The following CPLANE1 variants were observed in gnomAD, a reference collection of about 807,000 sequenced individuals.
CPLANE1 encodes the protein ciliogenesis and planar polarity effector 1.
CPLANE1 carries 263 observed loss-of-function variants against 362.5 expected under a neutral mutation model. The ratio of observed to expected loss-of-function variants is 0.73; its 90% confidence interval spans 0.66 to 0.80. The LOEUF is 0.80. CPLANE1 is among the 30% of genes least tolerant of loss of function. The pLI, the probability that CPLANE1 is intolerant of heterozygous loss-of-function variation, is 0.00. For missense variants in CPLANE1, 3,461 were observed against 3,793.4 expected, an observed-to-expected ratio of 0.91 and a Z score of 2.30; for synonymous variants, 1,212 against 1,302.6, an observed-to-expected ratio of 0.93 and a Z score of 1.50.
At chr5:37,168,356 T>C (rs888224650) in intron 34 of CPLANE1, among the ~76,000 whole-genome samples, 4 of 152,232 alleles carry the variant, frequency 2.6e-5, no homozygotes, top group Admixed American at 1.3e-4. Context: ...CATCTGGTAA[T>C]TTTTTTGCTT....
intron 34 of CPLANE1, 139 bp from the exon 35 acceptor site, chr5:37,167,352 T>C: frequency 1.4e-6 from 1 of 694,624 alleles, no homozygotes; most frequent in Non-Finnish European, 2.3e-6. Context: ...AACAAATTGA[T>C]TTAAACTGGC....
chr5:37,247,496 T>C (rs959107347), intron 2 of CPLANE1, 122 bp downstream of exon 2: 6 of 805,038 alleles, frequency 7.5e-6, no homozygotes, highest in African/African-American at 3.5e-5. Flanking sequence ...GATCCTCCTG[T>C]AGATCCTCCT....
At chr5:37,165,744 T>C in intron 35 of CPLANE1, 73 bp from the exon 36 acceptor site, 3 of 1,385,146 alleles carry the variant, frequency 2.2e-6, no homozygotes, top group Non-Finnish European at 2.9e-6. Flanking sequence ...TCATGCTATA[T>C]AGGGATACAG....
At chr5:37,140,424 G>C in intron 44 of CPLANE1, 1 of 985,036 alleles carries the variant, frequency 1.0e-6, no homozygotes, top group Non-Finnish European at 1.2e-6. Context: ...TGTGGGTTAA[G>C]AGCAACTAAT....
chr5:37,098,415 A>C, the CPLANE1 span, among the ~76,000 whole-genome samples: 2,649 of 146,578 alleles, frequency 0.018, 65 homozygotes, highest in African/African-American at 0.066. Flanking sequence ...AAAAAAAAAA[A>C]CCACACACAT....
rs1195296943 is a variant in CPLANE1, at chr5:37,125,423, C to A, written c.8793-14G>T. 3 of 1,608,270 alleles carry A rather than the reference C, an allele frequency of 1.9e-6. No individual in the cohort carries two copies. The African/African-American group carries it at 4.0e-5, about 22-fold the overall frequency. On this transcript the variant is annotated splice_polypyrimidine_tract_variant and intron_variant, in intron 46 of 52. Transcript: ENST00000651892. ...TAATGCTGAATTCTGAGAAATTTAACAAGCAAGACATCATTTGCTTTTAAA... is the reference window on the plus strand; with the variant it reads ...TAATGCTGAATTCTGAGAAATTTAAAAAGCAAGACATCATTTGCTTTTAAA...
chr5:37,154,894 A>G (rs1433343253), intron 41 of CPLANE1, among the ~76,000 whole-genome samples: 1 of 151,932 alleles, frequency 6.6e-6, no homozygotes, highest in South Asian at 2.1e-4. Flanking sequence ...GCCCCTCCAA[A>G]TTGCTCCCTC....
intron 16 of CPLANE1, chr5:37,210,922 A>G: frequency 3.8e-6 from 3 of 779,628 alleles, no homozygotes; most frequent in South Asian, 2.7e-5. Context: ...CATACTACAC[A>G]GTTGAAGGCC....
chr5:37,227,367 C>T lies in CPLANE1; in HGVS notation c.1397G>A (p.Arg466Gln), dbSNP rs868467543. 12 of 1,546,550 alleles carry T rather than the reference C, an allele frequency of 7.8e-6. No homozygotes were observed. Among genetic ancestry groups the T allele is most frequent in the African/African-American group, 6.9e-5 (5 of 72,834 alleles). The part of the protein sequence containing the change: ...SKPKGKGLNL[R>Q]SLNSLRSSLL... ...GCTAGACCTTAGGGAATTCAGTGAT[C>T]GCAAGTTCAGTCCTTTGCCTTTTGG... Residue 466 changes from arginine (R) to glutamine (Q), a missense_variant, in exon 11 of 53, where the codon CGA (arginine) becomes CAA (glutamine). Transcript: ENST00000651892.
At chr5:37,188,863 T>C (rs1784712301) in intron 21 of CPLANE1, among the ~76,000 whole-genome samples, 2 of 152,276 alleles carry the variant, frequency 1.3e-5, no homozygotes, top group Non-Finnish European at 2.9e-5. Flanking sequence ...TATTTTATTA[T>C]GATTATTTTT....
chr5:37,159,026 C>T (rs993226322), intron 38 of CPLANE1, among the ~76,000 whole-genome samples: 3 of 150,736 alleles, frequency 2.0e-5, no homozygotes, highest in African/African-American at 4.9e-5. Context: ...CCTCGTGATC[C>T]GCCCGCCTCA....
At chr5:37,219,982 G>A (rs1475549683) in intron 15 of CPLANE1, among the ~76,000 whole-genome samples, 1 of 152,162 alleles carries the variant, frequency 6.6e-6, no homozygotes, top group African/African-American at 2.4e-5. Flanking sequence ...GCCAAGCACA[G>A]TGGCTCACAC....
chr5:37,148,880 G>A (rs143683313), intron 42 of CPLANE1, among the ~76,000 whole-genome samples: 6,293 of 151,988 alleles, frequency 0.041, 158 homozygotes, highest in South Asian at 0.077. Flanking sequence ...GCAAAATCCC[G>A]TCTCTACTAA....
chr5:37,188,462 C>A (rs1784611336), intron 21 of CPLANE1, among the ~76,000 whole-genome samples: 1 of 152,218 alleles, frequency 6.6e-6, no homozygotes, highest in African/African-American at 2.4e-5. Flanking sequence ...TGTCTCCTAG[C>A]TACTTGGACA....
chr5:37,211,677 C>T, intron 16 of CPLANE1: 1 of 788,152 alleles, frequency 1.3e-6, no homozygotes, highest in African/African-American at 1.7e-5. Flanking sequence ...TGACAGAATG[C>T]CCCCGCCATC....
intron 16 of CPLANE1, chr5:37,210,019 T>G: frequency 1.2e-6 from 1 of 847,390 alleles, no homozygotes; most frequent in Non-Finnish European, 2.0e-6. Flanking sequence ...TGTCAAAAGT[T>G]GAAGTTTTTT....
the CPLANE1 span, among the ~76,000 whole-genome samples, chr5:37,093,997 C>T: frequency 1.1e-5 from 1 of 92,050 alleles, no homozygotes; most frequent in Non-Finnish European, 1.9e-5. Flanking sequence ...GGCAGGATAG[C>T]GCTGGGAGGG....
intron 52 of CPLANE1, 83 bp downstream of exon 52, chr5:37,108,198 CAAAAAACAAACT>C (rs1030440064): frequency 2.4e-6 from 3 of 1,261,610 alleles, no homozygotes; most frequent in Middle Eastern, 2.7e-4. Flanking sequence ...CCACATCCCA[CAAAAAACAAACT>C]AAAAAACAAA....
At position 37,183,713 on chromosome 5, in the gene CPLANE1, A is replaced by G; in HGVS notation, c.4482-14T>C. On this transcript the variant is annotated splice_polypyrimidine_tract_variant and intron_variant, in intron 25 of 52. Coordinates refer to ENST00000651892, the MANE Select transcript of CPLANE1 (RefSeq NM_001384732.1). ...TTTGGGGCATTTCTATAGCAAAAAA[A>G]TAAAATAAGACAAAATTAGAGATCA... 6.6e-7 allele frequency: 1 copy of G among 1,508,514 alleles called. No homozygotes were observed. Among genetic ancestry groups the G allele is most frequent in the Non-Finnish European group, 8.9e-7 (1 of 1,122,494 alleles). 93.4% of individuals were successfully genotyped at this position (1,508,514 alleles called of 1,614,324 possible). A position where few individuals can be genotyped will look rare whatever the true frequency, so the allele number is the denominator to read the frequency against.
Sources: allele counts gnomAD v4.1 joint callset (sites outside exome capture counted in the v4.1 genomes callset), GRCh38; gene constraint gnomAD v4.1.1; transcripts MANE v1.5; gene names NCBI Gene and HGNC (gene_info 2026-07-23, HGNC 2026-07-21).